CFAP47: variants seen among roughly 807,000 people sequenced by gnomAD.
CFAP47 encodes the protein cilia and flagella associated protein 47.
CFAP47 carries 29 observed loss-of-function variants against 148.1 expected under a neutral mutation model. That is an observed-to-expected ratio of 0.20 (90% confidence interval 0.15 to 0.27). The LOEUF (loss-of-function observed/expected upper bound fraction) is 0.27, where lower values mean the gene tolerates loss of function less well. CFAP47 is among the 10% of genes least tolerant of loss of function. The pLI, the probability that CFAP47 is intolerant of heterozygous loss-of-function variation, is 1.00. For synonymous variants in CFAP47, 664 were observed against 577.3 expected, an observed-to-expected ratio of 1.15 and a Z score of -2.15; for missense variants, 1,872 against 1,697.5, an observed-to-expected ratio of 1.10 and a Z score of -1.81.
At chrX:36,364,939 T>TAC (rs1556019996) in intron 61 of CFAP47, among the ~76,000 whole-genome samples, 2 of 77,188 alleles carry the variant, frequency 2.6e-5, no homozygotes, top group African/African-American at 9.6e-5. Flanking sequence ...TATATATATA[T>TAC]ATATACACAC....
intron 40 of CFAP47, among the ~76,000 whole-genome samples, chrX:36,188,326 A>G (rs1008545944): frequency 9.0e-6 from 1 of 111,602 alleles, no homozygotes; most frequent in Non-Finnish European, 1.9e-5. Flanking sequence ...TTATTATCAA[A>G]TTTGTACTTC....
chrX:36,265,248 G>T (rs5973627), intron 49 of CFAP47, among the ~76,000 whole-genome samples: 1 of 110,853 alleles, frequency 9.0e-6, no homozygotes, highest in African/African-American at 3.3e-5. Context: ...TTTTTTTGTG[G>T]GTTGATTTTG....
chrX:36,054,144 C>T (rs1937535621), intron 26 of CFAP47, among the ~76,000 whole-genome samples: 1 of 111,943 alleles, frequency 8.9e-6, no homozygotes, highest in African/African-American at 3.3e-5. Flanking sequence ...AGGTGGATGC[C>T]CATGCAGTCA....
At chrX:36,095,826 T>A (rs1397396790) in intron 30 of CFAP47, among the ~76,000 whole-genome samples, 5 of 111,759 alleles carry the variant, frequency 4.5e-5, no homozygotes, top group African/African-American at 1.6e-4. Context: ...ACCTTTGTTT[T>A]ATTGATTTAT....
At chrX:36,112,585 T>C (rs1938573999) in intron 33 of CFAP47, among the ~76,000 whole-genome samples, 1 of 111,637 alleles carries the variant, frequency 9.0e-6, no homozygotes, top group South Asian at 3.7e-4. Flanking sequence ...CTGTTGCTTT[T>C]GGGTGGATAG....
At chrX:36,374,565 T>G (rs1350668260) in intron 62 of CFAP47, among the ~76,000 whole-genome samples, 1 of 111,241 alleles carries the variant, frequency 9.0e-6, no homozygotes, top group East Asian at 2.8e-4. Flanking sequence ...ATTTTCTCCC[T>G]TCTGCTAACT....
chrX:36,361,899 G>A (rs1217585243), intron 61 of CFAP47, among the ~76,000 whole-genome samples: 3 of 112,019 alleles, frequency 2.7e-5, no homozygotes, highest in Non-Finnish European at 5.6e-5. Context: ...CATTGCAACT[G>A]CTTTCATTAC....
At chrX:35,954,268 A>C (rs186602523) in intron 7 of CFAP47, among the ~76,000 whole-genome samples, 13 of 111,034 alleles carry the variant, frequency 1.2e-4, no homozygotes, top group Non-Finnish European at 1.7e-4. Context: ...TGAGGAAAAA[A>C]ATGGAATGGG....
intron 23 of CFAP47, among the ~76,000 whole-genome samples, chrX:36,031,852 A>C (rs1365343816): frequency 9.0e-6 from 1 of 110,558 alleles, no homozygotes; most frequent in Non-Finnish European, 1.9e-5. Context: ...AAAGAAGCTC[A>C]GCACACATTA....
chrX:36,375,612 G>A (rs73631109), intron 62 of CFAP47, among the ~76,000 whole-genome samples: 28 of 112,557 alleles, frequency 2.5e-4, no homozygotes, highest in African/African-American at 9.0e-4. Context: ...ATTGTTGAAA[G>A]TGCAGTATTT....
intron 15 of CFAP47, chrX:35,986,027 G>A (rs749208298): frequency 4.0e-6 from 1 of 251,746 alleles, no homozygotes; most frequent in Admixed American, 3.7e-5. Flanking sequence ...ATGGTCTCAG[G>A]TAGTAAGTGC....
At chrX:36,255,355 A>G (rs959350478) in intron 49 of CFAP47, among the ~76,000 whole-genome samples, 7 of 112,525 alleles carry the variant, frequency 6.2e-5, no homozygotes, top group African/African-American at 2.3e-4. Flanking sequence ...AAGTATGTTT[A>G]GCAGAGGTAG....
Position 35,951,161 on chromosome X carries a change from C to G in CFAP47, c.687C>G (p.Leu229=). Residue 229 remains leucine (L), a synonymous_variant, in exon 5 of 64, where the codon CTC becomes CTG. Transcript: ENST00000378653. The part of the protein sequence containing the change: ...IVILQGQPEM[L]LSIKAHVVEQ... ...TTTTGCAAGGTCAACCTGAGATGCT[C>G]TTGAGTATCAAAGCTCATGTGGTTG... 5.0e-6 allele frequency: 6 copies of G among 1,210,889 alleles called. No homozygotes were observed. The highest frequency in any genetic ancestry group is 6.7e-6 in the Non-Finnish European group (6 of 894,673).
In CFAP47 at chrX:36,201,697, T is replaced by A. The variant is rs1203777466; in HGVS notation, c.6663+197T>A. On this transcript the variant is annotated intron_variant, in intron 44 of 63. Coordinates refer to ENST00000378653, the MANE Select transcript of CFAP47 (RefSeq NM_001304548.2). ...TAAATAATGAATCTGAAACAAAGCA[T>A]TCTACTATGTAATTTAAGGCATTAC... 8.0e-5 allele frequency among the ~76,000 whole-genome samples: 9 copies of A among 112,036 alleles called. No homozygotes were observed. The Admixed American group carries it at 8.6e-4, about 11-fold the overall frequency.
chrX:36,298,547 C>T (rs907160250), intron 51 of CFAP47, among the ~76,000 whole-genome samples: 9 of 100,645 alleles, frequency 8.9e-5, no homozygotes, highest in Non-Finnish European at 1.6e-4. Flanking sequence ...TACCCTAAAA[C>T]TTAAAGTATA....
At chrX:36,085,609 T>C (rs1310464700) in intron 30 of CFAP47, 71 bp downstream of exon 30, 2 of 552,220 alleles carry the variant, frequency 3.6e-6, no homozygotes, top group Non-Finnish European at 5.8e-6. Flanking sequence ...AACAGATAGA[T>C]AGACTTTGAT....
chrX:35,948,035 G>A (rs6632419), intron 3 of CFAP47, among the ~76,000 whole-genome samples: 19,070 of 111,109 alleles, frequency 0.17, 1,269 homozygotes, highest in East Asian at 0.24. Flanking sequence ...CCTGAGCTAC[G>A]TTGGAAGAAG....
chrX:36,272,502 A>G (rs1475471740), intron 49 of CFAP47, among the ~76,000 whole-genome samples: 2 of 111,510 alleles, frequency 1.8e-5, no homozygotes, highest in East Asian at 5.6e-4. Context: ...CATTCCTCTC[A>G]TCAGACAAGG....
At chrX:36,201,564 A>G (rs189764846) in intron 44 of CFAP47, 64 bp downstream of exon 44, 15 of 293,338 alleles carry the variant, frequency 5.1e-5, no homozygotes, top group Non-Finnish European at 2.4e-5. Flanking sequence ...ACAGAGTTAC[A>G]GAGCTGTTAC....
Sources: gnomAD v4.1 joint callset for allele counts (sites outside exome capture counted in the v4.1 genomes callset) on GRCh38, gnomAD v4.1.1 for gene constraint, MANE v1.5 for transcripts, NCBI Gene and HGNC (gene_info 2026-07-23, HGNC 2026-07-21) for gene names.